Variants in MYO19 observed in about 807,000 individuals in gnomAD.
MYO19 encodes myosin XIX.
MYO19 carries 132 observed loss-of-function variants against 129.2 expected under a neutral mutation model. The observed-to-expected ratio is 1.02, with a 90% CI of 0.89 to 1.18. The LOEUF (loss-of-function observed/expected upper bound fraction) is 1.18. Ranked by LOEUF, MYO19 falls within the 50% of genes most tolerant of loss-of-function variation. MYO19 has a pLI of 0.00. For synonymous variants in MYO19, 531 were observed against 477.2 expected (o/e 1.11, Z -1.47); for missense variants, 1,210 against 1,216.7 (o/e 0.99, Z 0.08).
chr17:36,508,894 C>G, intron 14 of MYO19, 168 bp downstream of exon 14: 1 of 639,332 alleles, frequency 1.6e-6, no homozygotes, highest in South Asian at 1.8e-5. Flanking sequence ...GCAGAGATCT[C>G]ACCCTATGCA....
exon 1 of MYO19, chr17:36,543,157 T>C (rs887415893): frequency 1.3e-5 from 2 of 152,048 alleles, no homozygotes; most frequent in Admixed American, 1.3e-4. Context: ...CCAGAAGACA[T>C]AAAAAAAATT....
At chr17:36,512,194 TAAACACAC>T (rs1171132096) in intron 11 of MYO19, among the ~76,000 whole-genome samples, 1 of 70,056 alleles carries the variant, frequency 1.4e-5, no homozygotes, top group Admixed American at 1.3e-4. Context: ...CTACTAAAAA[TAAACACAC>T]ACACACACAC....
chr17:36,524,855 T>C lies in MYO19; in HGVS notation c.414+373A>G, dbSNP rs190443527. ...TTTACAAGTGGAAGAACTGAGAGCTTTGCAGAAGCTACGTACTTTTCTGAT... is the reference window on the plus strand; with the variant it reads ...TTTACAAGTGGAAGAACTGAGAGCTCTGCAGAAGCTACGTACTTTTCTGAT... On this transcript the variant is annotated intron_variant, in intron 6 of 25. Transcript: ENST00000614623. Among the ~76,000 whole-genome samples the C allele has an allele frequency of 2.0e-4, 30 of 152,342 alleles. 1 individual carries two copies. Among genetic ancestry groups the C allele is most frequent in the African/African-American group, 6.5e-4 (27 of 41,584 alleles).
chr17:36,505,099 G>A, intron 19 of MYO19, 198 bp downstream of exon 19: 1 of 758,322 alleles, frequency 1.3e-6, no homozygotes, highest in Admixed American at 1.7e-5. Context: ...TCCCTGGCTA[G>A]GCTACTATGC....
intron 6 of MYO19, 25 bp from the exon 7 acceptor site, chr17:36,516,015 A>T (rs1234504528): frequency 6.3e-7 from 1 of 1,595,640 alleles, no homozygotes; most frequent in Non-Finnish European, 8.5e-7. Context: ...GCCCTGTGGG[A>T]GCTGTATCTA....
chr17:36,506,936 C>T (rs1165979922), intron 17 of MYO19, 27 bp downstream of exon 17: 4 of 1,546,664 alleles, frequency 2.6e-6, no homozygotes, highest in East Asian at 2.3e-5. Flanking sequence ...TTCTCGCAGG[C>T]CCCACAGGGC....
At chr17:36,507,718 T>C in intron 15 of MYO19, 85 bp downstream of exon 15, 1 of 1,459,344 alleles carries the variant, frequency 6.9e-7, no homozygotes, top group Non-Finnish European at 9.1e-7. Context: ...AGGCTTCTAA[T>C]CAGAACCTGG....
At chr17:36,538,605 C>G (rs372135184), upstream of MYO19, 12 of 1,593,336 alleles carry the variant, frequency 7.5e-6, no homozygotes, top group Non-Finnish European at 9.4e-6. Flanking sequence ...TAAGACTGTA[C>G]AATTTTGGTG....
intron 6 of MYO19, among the ~76,000 whole-genome samples, chr17:36,522,702 C>G (rs1399520274): frequency 6.6e-6 from 1 of 151,682 alleles, no homozygotes; most frequent in Non-Finnish European, 1.5e-5. Context: ...AAACCCCACT[C>G]TACTAAAAAT....
At chr17:36,518,837 A>ATT (rs1053258115) in intron 6 of MYO19, among the ~76,000 whole-genome samples, 5 of 151,858 alleles carry the variant, frequency 3.3e-5, no homozygotes, top group Non-Finnish European at 7.4e-5. Context: ...TATCATTGTG[A>ATT]TTTTATCTTT....
intron 4 of MYO19, 120 bp downstream of exon 4, chr17:36,527,944 C>T: frequency 7.2e-7 from 1 of 1,386,378 alleles, no homozygotes; most frequent in South Asian, 1.4e-5. Context: ...GAGCAGCCCA[C>T]CTGGCTCCAG....
intron 17 of MYO19, 154 bp downstream of exon 17, chr17:36,506,809 A>T: frequency 9.0e-7 from 1 of 1,113,094 alleles, no homozygotes; most frequent in Non-Finnish European, 1.2e-6. Context: ...TGATTAGTGG[A>T]GACCTCAGAC....
rs2073394810 is a variant in MYO19 at position 36,525,283 on chromosome 17, AG to A, written c.358del (p.Leu120Ter). On this transcript the variant is annotated frameshift_variant, in exon 6 of 26. Coordinates refer to ENST00000614623, the MANE Select transcript of MYO19 (RefSeq NM_001163735.2). LOFTEE classifies it high-confidence loss of function. ...GEQTYRNVKS[L>X]IEPVNQSIVV... ...AATAGACTGGTTGACTGGTTCAATC[AG>A]GCTCTTGACATTCCTGTAGGTCTGT... The A allele has an allele frequency of 1.2e-6, 2 of 1,613,870 alleles. No individual in the cohort carries two copies. Among genetic ancestry groups the A allele is most frequent in the South Asian group, 2.2e-5 (2 of 91,070 alleles).
intron 6 of MYO19, among the ~76,000 whole-genome samples, chr17:36,517,527 T>C (rs1555580786): frequency 6.6e-6 from 1 of 152,174 alleles, no homozygotes; most frequent in Non-Finnish European, 1.5e-5. Flanking sequence ...CCCAAAGTGC[T>C]GGATTACAGG....
At position 36,510,400 on chromosome 17, in the gene MYO19, G is replaced by A. The variant is rs143039540; in HGVS notation, c.1157+346C>T. Among the ~76,000 whole-genome samples, 503 of 152,354 alleles carry A rather than the reference G, an allele frequency of 3.3e-3. 2 individuals are homozygous for A. The highest frequency in any genetic ancestry group is 7.5e-3 in the African/African-American group (311 of 41,588). On this transcript the variant is annotated intron_variant, in intron 13 of 25. Coordinates refer to ENST00000614623, the MANE Select transcript of MYO19 (RefSeq NM_001163735.2). ...GCCAAGGATCTGAAGCAGGAACTGC[G>A]AAGGCTCTAGATCACCTTTGGGGCC... is the stretch of plus-strand genomic sequence containing the variant.
At chr17:36,537,498 C>T (rs1292555631), upstream of MYO19, 8 of 1,614,002 alleles carry the variant, frequency 5.0e-6, no homozygotes, top group East Asian at 2.2e-5. Context: ...CTCCTGTTTC[C>T]GTGTAATTAC....
intron 6 of MYO19, among the ~76,000 whole-genome samples, chr17:36,517,678 GCTT>G (rs2072844984): frequency 6.6e-6 from 1 of 151,752 alleles, no homozygotes; most frequent in African/African-American, 2.4e-5. Flanking sequence ...TTCCCCTCTA[GCTT>G]CTTAAGGTAT....
intron 6 of MYO19, among the ~76,000 whole-genome samples, 156 bp from the exon 7 acceptor site, chr17:36,516,146 A>G (rs985287521): frequency 7.2e-5 from 11 of 152,152 alleles, no homozygotes; most frequent in African/African-American, 2.7e-4. Context: ...CAGGCAAGGC[A>G]CTTCCTCTAC....
At chr17:36,496,738 A>G (rs755848210) in intron 25 of MYO19, among the ~76,000 whole-genome samples, 5 of 152,062 alleles carry the variant, frequency 3.3e-5, no homozygotes, top group African/African-American at 4.8e-5. Flanking sequence ...CTCTGAATGG[A>G]AATTTGGTGT....
Sources: allele counts gnomAD v4.1 joint callset (sites outside exome capture counted in the v4.1 genomes callset), GRCh38; gene constraint gnomAD v4.1.1; transcripts MANE v1.5; gene names NCBI Gene and HGNC (gene_info 2026-07-23, HGNC 2026-07-21).